NBEA: variants seen among roughly 807,000 people sequenced by gnomAD.
NBEA encodes neurobeachin, also known as lysosomal-trafficking regulator 2.
A neutral mutation model predicts 343.4 loss-of-function variants in NBEA; 44 were observed. The ratio of observed to expected loss-of-function variants is 0.13; its 90% confidence interval spans 0.10 to 0.16. The LOEUF (loss-of-function observed/expected upper bound fraction) is 0.16. NBEA is among the 10% of genes least tolerant of loss of function. The probability of loss-of-function intolerance (pLI) is 1.00; values close to 1 mark genes in which losing one functional copy is unlikely to be tolerated. For synonymous variants in NBEA, 1,175 were observed against 1,238.7 expected (o/e 0.95, Z 1.08); for missense variants, 2,555 against 3,631.3 (o/e 0.70, Z 7.62).
chr13:35,295,412 C>T (rs1054764245), intron 35 of NBEA, among the ~76,000 whole-genome samples: 2 of 151,634 alleles, frequency 1.3e-5, no homozygotes, highest in African/African-American at 4.8e-5. Context: ...GGTGGGTGAC[C>T]CCACCTCTTA....
At chr13:35,237,379 C>A (rs2075286627) in intron 34 of NBEA, among the ~76,000 whole-genome samples, 1 of 152,206 alleles carries the variant, frequency 6.6e-6, no homozygotes, top group Non-Finnish European at 1.5e-5. Context: ...CTCTCCACCC[C>A]AGCCTGTAGA....
chr13:35,600,070 C>T (rs2081979553), intron 47 of NBEA, among the ~76,000 whole-genome samples: 1 of 152,106 alleles, frequency 6.6e-6, no homozygotes, highest in African/African-American at 2.4e-5. Context: ...CCTGAATATA[C>T]ACTCTGATTA....
At chr13:35,065,306 G>C (rs554580567) in intron 8 of NBEA, among the ~76,000 whole-genome samples, 7 of 151,798 alleles carry the variant, frequency 4.6e-5, no homozygotes, top group South Asian at 4.2e-4. Context: ...ATGAGGTATT[G>C]GTATTGAAAG....
intron 13 of NBEA, among the ~76,000 whole-genome samples, chr13:35,115,986 G>T (rs1387579980): frequency 6.6e-6 from 1 of 152,118 alleles, no homozygotes; most frequent in Non-Finnish European, 1.5e-5. Context: ...TACTAAGACG[G>T]TATCTGTCTG....
chr13:35,028,723 A>G (rs1273424329), intron 1 of NBEA, among the ~76,000 whole-genome samples: 1 of 151,648 alleles, frequency 6.6e-6, no homozygotes, highest in Non-Finnish European at 1.5e-5. Context: ...CTGCATTCAA[A>G]ACTTTTTCAT....
At chr13:35,651,289 T>C (rs2084509434) in intron 52 of NBEA, among the ~76,000 whole-genome samples, 1 of 152,244 alleles carries the variant, frequency 6.6e-6, no homozygotes, top group East Asian at 1.9e-4. Context: ...TCCATTTACT[T>C]GTCACATGTT....
intron 39 of NBEA, among the ~76,000 whole-genome samples, chr13:35,447,731 G>A (rs963309166): frequency 3.7e-4 from 57 of 152,192 alleles, no homozygotes; most frequent in Admixed American, 3.3e-3. Flanking sequence ...GATCCAAGGC[G>A]TTCTGGTAGT....
rs1468592048 is a variant in NBEA, at chr13:35,156,255, TTCTC to T, written c.2651+53_2651+56del. ...AACACTTTATTCCATAATTAATATT[TTCTC>T]TCTTTTAGATTTTCAATTCATTTCA... On this transcript the variant is annotated intron_variant, in intron 20 of 58. Transcript: ENST00000379939. 6.2e-6 allele frequency: 9 copies of T among 1,453,860 alleles called. No individual in the cohort carries two copies. The Admixed American group carries it at 1.5e-4, about 25-fold the overall frequency. 90.1% of individuals were successfully genotyped at this position (1,453,860 alleles called of 1,614,324 possible).
intron 16 of NBEA, among the ~76,000 whole-genome samples, chr13:35,119,730 C>G (rs570589906): frequency 1.3e-5 from 2 of 152,056 alleles, no homozygotes; most frequent in Admixed American, 1.3e-4. Flanking sequence ...GGACTACAGG[C>G]GCCTGCCACA....
intron 36 of NBEA, among the ~76,000 whole-genome samples, chr13:35,323,223 C>A (rs1019928949): frequency 6.6e-6 from 1 of 152,074 alleles, no homozygotes; most frequent in East Asian, 1.9e-4. Flanking sequence ...GGTATATACC[C>A]AAAGGACTAT....
At chr13:35,138,003 C>G (rs1362875998) in intron 17 of NBEA, among the ~76,000 whole-genome samples, 1 of 151,872 alleles carries the variant, frequency 6.6e-6, no homozygotes, top group Admixed American at 6.6e-5. Flanking sequence ...GAATAATTTT[C>G]CTGATATTAT....
intron 19 of NBEA, 74 bp from the exon 20 acceptor site, chr13:35,156,009 A>C: frequency 6.7e-7 from 1 of 1,488,160 alleles, no homozygotes; most frequent in South Asian, 1.3e-5. Flanking sequence ...TATTTATTTG[A>C]AAGTTGGTAA....
chr13:35,238,232 T>C (rs2075322669), intron 34 of NBEA, among the ~76,000 whole-genome samples: 1 of 152,200 alleles, frequency 6.6e-6, no homozygotes, highest in Admixed American at 6.5e-5. Flanking sequence ...CACAGAAATA[T>C]TCAGAGTAAC....
chr13:35,627,728 TA>T (rs963814037), intron 48 of NBEA, among the ~76,000 whole-genome samples: 14 of 152,246 alleles, frequency 9.2e-5, no homozygotes, highest in African/African-American at 3.4e-4. Context: ...AACATGGTAT[TA>T]AAAAAGGTAA....
At chr13:35,018,035 T>C (rs1467536639) in intron 1 of NBEA, among the ~76,000 whole-genome samples, 1 of 152,146 alleles carries the variant, frequency 6.6e-6, no homozygotes, top group Non-Finnish European at 1.5e-5. Context: ...CATCTATTGA[T>C]TTGTTTTATA....
intron 1 of NBEA, among the ~76,000 whole-genome samples, chr13:34,992,259 TATA>T (rs532015941): frequency 0.01 from 1,386 of 135,998 alleles, 13 homozygotes; most frequent in African/African-American, 0.033. Flanking sequence ...TATATATATA[TATA>T]TTTTTTTTTT....
intron 36 of NBEA, among the ~76,000 whole-genome samples, chr13:35,341,601 T>C (rs1300950608): frequency 6.6e-6 from 1 of 152,020 alleles, no homozygotes; most frequent in East Asian, 1.9e-4. Context: ...TAGACATTTC[T>C]CCAAAGAAGA....
intron 8 of NBEA, among the ~76,000 whole-genome samples, chr13:35,059,988 G>T (rs2063409206): frequency 6.6e-6 from 1 of 151,638 alleles, no homozygotes; most frequent in East Asian, 1.9e-4. Flanking sequence ...TCTTTCATGG[G>T]TCTTTTTGTT....
chr13:35,564,473 C>G (rs2080036164), intron 44 of NBEA, among the ~76,000 whole-genome samples: 1 of 152,040 alleles, frequency 6.6e-6, no homozygotes, highest in South Asian at 2.1e-4. Flanking sequence ...AATCTGTACT[C>G]TTTGTATATA....
Sources: gnomAD v4.1 joint callset for allele counts (sites outside exome capture counted in the v4.1 genomes callset) on GRCh38, gnomAD v4.1.1 for gene constraint, MANE v1.5 for transcripts, NCBI Gene and HGNC (gene_info 2026-07-23, HGNC 2026-07-21) for gene names.